The following RBM46 variants were observed in gnomAD, a reference collection of about 807,000 sequenced individuals.
RBM46 encodes the protein RNA binding motif protein 46.
In RBM46, 12 loss-of-function variants were observed where a neutral mutation model predicts 43.3. The ratio of observed to expected loss-of-function variants is 0.28; its 90% CI spans 0.18 to 0.45. The LOEUF is 0.45. Among genes scored for constraint, RBM46 ranks in the 20% least tolerant of loss-of-function variants. The probability of loss-of-function intolerance (pLI) is 1.00; values close to 1 mark genes in which losing one functional copy is unlikely to be tolerated. For missense variants in RBM46, 412 were observed against 639.1 expected (o/e 0.64, Z 3.83); for synonymous variants, 205 against 207.6 (o/e 0.99, Z 0.11).
chr4:154,795,950 G>A (rs567250830), intron 1 of RBM46, among the ~76,000 whole-genome samples: 1 of 152,222 alleles, frequency 6.6e-6, no homozygotes, highest in East Asian at 1.9e-4. Context: ...TTGAGCTCAG[G>A]AGTTTGAGAC....
intron 4 of RBM46, among the ~76,000 whole-genome samples, chr4:154,815,895 A>G (rs1434238040): frequency 1.3e-5 from 2 of 152,044 alleles, no homozygotes; most frequent in East Asian, 3.9e-4. Context: ...ACTTCATATC[A>G]TACCTAAATT....
At chr4:154,783,069 C>T (rs925865849) in intron 1 of RBM46, among the ~76,000 whole-genome samples, 1 of 152,082 alleles carries the variant, frequency 6.6e-6, no homozygotes, top group Non-Finnish European at 1.5e-5. Flanking sequence ...TTAAAACATT[C>T]TACTTTAAAC....
In RBM46 at chr4:154,798,112, A is replaced by G; in HGVS notation, c.453A>G (p.Glu151=). ...TATTTATTGGAGCTATTCCCAAGGA[A>G]AAGAAGAAAGAAGAAATTTTAGATG... ...CRLFIGAIPK[E]KKKEEILDEM... Residue 151 remains glutamate, a synonymous_variant, in exon 3 of 5, where the codon GAA becomes GAG. Transcript: ENST00000281722. 1.2e-6 allele frequency: 2 copies of G among 1,613,928 alleles called. No individual in the cohort carries two copies. The highest frequency in any genetic ancestry group is 1.7e-6 in the Non-Finnish European group (2 of 1,179,864).
At chr4:154,811,651 ATG>A (rs751963103) in intron 4 of RBM46, among the ~76,000 whole-genome samples, 4,587 of 132,504 alleles carry the variant, frequency 0.035, 248 homozygotes, top group African/African-American at 0.12. Flanking sequence ...TAGATAGGAT[ATG>A]TGTGTGTGTG....
chr4:154,806,750 A>T (rs1472517310), intron 4 of RBM46, among the ~76,000 whole-genome samples: 1 of 151,894 alleles, frequency 6.6e-6, no homozygotes, highest in Non-Finnish European at 1.5e-5. Context: ...TGAATTTGCT[A>T]ATCAATTACT....
chr4:154,826,172 A>G (rs960594692), intron 4 of RBM46, among the ~76,000 whole-genome samples: 1 of 152,034 alleles, frequency 6.6e-6, no homozygotes, highest in African/African-American at 2.4e-5. Context: ...AGAAAAAAAA[A>G]AAGCATGAGG....
At chr4:154,790,372 T>G (rs1055562368) in intron 1 of RBM46, 2 of 152,068 alleles carry the variant, frequency 1.3e-5, no homozygotes, top group African/African-American at 4.8e-5. Flanking sequence ...TATGTTGTGC[T>G]GAGAACAGAT....
chr4:154,796,645 C>T (rs1168503198), intron 1 of RBM46, 97 bp from the exon 2 acceptor site: 1 of 799,136 alleles, frequency 1.3e-6, no homozygotes, highest in Non-Finnish European at 1.9e-6. Flanking sequence ...ACATGCCAGC[C>T]ACAACTGTCT....
chr4:154,826,976 C>T lies in RBM46; in HGVS notation c.1403-892C>T, dbSNP rs1014465025. ...CATTCCTAGAAACACCATAATGTTT[C>T]TAAATAATGATTTTATAGTCATTGT... On this transcript the variant is annotated intron_variant, in intron 4 of 4. Transcript: ENST00000281722. 4.7e-6 allele frequency: 6 copies of T among 1,286,726 alleles called. No homozygotes were observed. The African/African-American group carries it at 7.6e-5, about 16-fold the overall frequency. 79.7% of individuals were successfully genotyped at this position (1,286,726 alleles called of 1,614,324 possible). A position where few individuals can be genotyped will look rare whatever the true frequency, so the allele number is the denominator to read the frequency against.
intron 1 of RBM46, among the ~76,000 whole-genome samples, chr4:154,791,673 T>G (rs1465454014): frequency 6.6e-6 from 1 of 152,206 alleles, no homozygotes; most frequent in African/African-American, 2.4e-5. Context: ...AATAAGTTTC[T>G]TAAATAATTA....
chr4:154,784,294 T>C (rs1412853491), intron 1 of RBM46, among the ~76,000 whole-genome samples: 1 of 152,236 alleles, frequency 6.6e-6, no homozygotes, highest in African/African-American at 2.4e-5. Context: ...GCTGACACAG[T>C]TCCTTTAAAT....
chr4:154,792,378 G>A (rs1734141861), intron 1 of RBM46, among the ~76,000 whole-genome samples: 1 of 152,172 alleles, frequency 6.6e-6, no homozygotes, highest in Non-Finnish European at 1.5e-5. Context: ...GAGTTGTAAA[G>A]TGCTTGCCAA....
Position 154,797,899 on chromosome 4 carries a change from A to G in RBM46, c.240A>G (p.Val80=), listed in dbSNP as rs200423373. 5 of 1,609,162 alleles carry G rather than the reference A, an allele frequency of 3.1e-6. No homozygotes were observed. The Admixed American group carries it at 6.8e-5, about 22-fold the overall frequency. ...TGTATGAAGATGAGTTAGTTCCTGTATTTGAAAGAGCTGGGAAGATATATG... is the reference window on the plus strand; with the variant it reads ...TGTATGAAGATGAGTTAGTTCCTGTGTTTGAAAGAGCTGGGAAGATATATG... ...RDMYEDELVP[V]FERAGKIYEF... Residue 80 remains valine, a synonymous_variant, in exon 3 of 5, where the codon GTA becomes GTG. Transcript: ENST00000281722.
At chr4:154,797,023 T>TA in intron 2 of RBM46, 120 bp downstream of exon 2, 5 of 748,562 alleles carry the variant, frequency 6.7e-6, no homozygotes, top group Non-Finnish European at 1.0e-5. Flanking sequence ...TAAGACATTT[T>TA]TTTTTTTACT....
intron 4 of RBM46, among the ~76,000 whole-genome samples, chr4:154,817,480 G>A (rs1203261395): frequency 2.6e-5 from 4 of 151,302 alleles, no homozygotes; most frequent in African/African-American, 4.9e-5. Flanking sequence ...TTACAGGTGC[G>A]CACACCACAC....
Position 154,799,755 on chromosome 4 carries a change from C to CT in RBM46, c.1402+211dup, listed in dbSNP as rs35629123. ...TAAAATCTTCCTACATTTAGCTTTT[C>CT]TTTTTTTTTTTTTTTTTTTTGAGAG... On this transcript the variant is annotated intron_variant, in intron 4 of 4. Coordinates refer to ENST00000281722, the MANE Select transcript of RBM46 (RefSeq NM_144979.5). Among the ~76,000 whole-genome samples the CT allele has an allele frequency of 6.6e-3, 751 of 114,636 alleles. 8 individuals are homozygous for CT. Among genetic ancestry groups the CT allele is most frequent in the Middle Eastern group, 0.014 (3 of 208 alleles). 75.2% of individuals were successfully genotyped at this position (114,636 alleles called of 152,430 possible). A position where few individuals can be genotyped will look rare whatever the true frequency, so the allele number is the denominator to read the frequency against.
intron 4 of RBM46, among the ~76,000 whole-genome samples, chr4:154,806,803 A>T (rs1050115286): frequency 4.6e-5 from 7 of 151,934 alleles, no homozygotes; most frequent in Admixed American, 1.3e-4. Flanking sequence ...TAACTACTTA[A>T]AAGTTTGGAA....
intron 1 of RBM46, among the ~76,000 whole-genome samples, chr4:154,784,714 C>T (rs1733674985): frequency 6.6e-6 from 1 of 152,324 alleles, no homozygotes. Flanking sequence ...ATCCCTCCTT[C>T]TCTTACTTGG....
chr4:154,826,738 C>CATTTTT, intron 4 of RBM46: 1 of 998,982 alleles, frequency 1.0e-6, no homozygotes. Context: ...TTTCATTTTT[C>CATTTTT]CTTTTTTTTT....
Sources: gnomAD v4.1 joint callset for allele counts (sites outside exome capture counted in the v4.1 genomes callset) on GRCh38, gnomAD v4.1.1 for gene constraint, MANE v1.5 for transcripts, NCBI Gene and HGNC (gene_info 2026-07-23, HGNC 2026-07-21) for gene names.